CCDC148: variants seen among roughly 807,000 people sequenced by gnomAD.
The protein encoded by CCDC148 is coiled-coil domain containing 148.
A neutral mutation model predicts 85.7 loss-of-function variants in CCDC148; 89 were observed. The observed-to-expected ratio is 1.04, with a 90% confidence interval of 0.87 to 1.24. CCDC148 has a LOEUF of 1.24. Ranked by LOEUF, CCDC148 falls within the 50% of genes most tolerant of loss-of-function variation. The probability of loss-of-function intolerance (pLI) is 0.00; values close to 1 mark genes in which losing one functional copy is unlikely to be tolerated. For synonymous variants in CCDC148, 230 were observed against 213.9 expected, an observed-to-expected ratio of 1.08 and a Z score of -0.66; for missense variants, 692 against 671.7, an observed-to-expected ratio of 1.03 and a Z score of -0.33.
chr2:158,220,838 G>A (rs1010510199), intron 10 of CCDC148, 125 bp from the exon 11 acceptor site: 1 of 685,104 alleles, frequency 1.5e-6, no homozygotes, highest in Non-Finnish European at 2.4e-6. Flanking sequence ...CATCTTTTTT[G>A]TTTCATAGAT....
At chr2:158,382,472 T>C (rs1465238136) in intron 1 of CCDC148, among the ~76,000 whole-genome samples, 2 of 152,146 alleles carry the variant, frequency 1.3e-5, no homozygotes, top group African/African-American at 4.8e-5. Context: ...GCAAAGGGTG[T>C]GTAAACAGCT....
At chr2:158,189,114 GA>G (rs1685296983) in intron 11 of CCDC148, among the ~76,000 whole-genome samples, 1 of 151,880 alleles carries the variant, frequency 6.6e-6, no homozygotes, top group Non-Finnish European at 1.5e-5. Context: ...CAAGGTTGAA[GA>G]GAAAGGGAAC....
chr2:158,177,404 T>C (rs1558958607), intron 12 of CCDC148, among the ~76,000 whole-genome samples: 2 of 152,146 alleles, frequency 1.3e-5, no homozygotes, highest in Non-Finnish European at 2.9e-5. Context: ...TAATGCCATT[T>C]AAAGACTGTA....
At chr2:158,432,235 TA>T (rs11445715) in intron 1 of CCDC148, among the ~76,000 whole-genome samples, 9 of 145,398 alleles carry the variant, frequency 6.2e-5, no homozygotes, top group East Asian at 2.1e-4. Flanking sequence ...ATGATGAAAA[TA>T]AAAAAAAACA....
chr2:158,327,034 T>G (rs1408278995), intron 7 of CCDC148, among the ~76,000 whole-genome samples: 1 of 152,220 alleles, frequency 6.6e-6, no homozygotes, highest in Non-Finnish European at 1.5e-5. Flanking sequence ...ATTCTGTGTA[T>G]GTACAATAAT....
chr2:158,245,900 T>C (rs1485128628), intron 10 of CCDC148, among the ~76,000 whole-genome samples: 1 of 152,178 alleles, frequency 6.6e-6, no homozygotes, highest in Non-Finnish European at 1.5e-5. Context: ...AACTTAGGAA[T>C]CAAAACTTTC....
intron 9 of CCDC148, among the ~76,000 whole-genome samples, chr2:158,278,224 T>C (rs1198130074): frequency 6.6e-6 from 1 of 152,156 alleles, no homozygotes; most frequent in Non-Finnish European, 1.5e-5. Flanking sequence ...TTTCTGCATT[T>C]CCATCTGAGG....
At chr2:158,331,121 T>C (rs1214170625) in intron 7 of CCDC148, among the ~76,000 whole-genome samples, 1 of 152,234 alleles carries the variant, frequency 6.6e-6, no homozygotes. Context: ...TTTTAGATCT[T>C]TCCTGCTTTC....
intron 1 of CCDC148, among the ~76,000 whole-genome samples, chr2:158,419,508 T>G (rs916061928): frequency 6.6e-6 from 1 of 152,186 alleles, no homozygotes; most frequent in African/African-American, 2.4e-5. Context: ...TGCCACTTAC[T>G]AACTATGGCT....
At chr2:158,294,642 G>A (rs1691083664) in intron 9 of CCDC148, among the ~76,000 whole-genome samples, 1 of 152,028 alleles carries the variant, frequency 6.6e-6, no homozygotes, top group Non-Finnish European at 1.5e-5. Context: ...GGGGCAACAT[G>A]GTGAAACCCC....
chr2:158,456,720 A>T lies in CCDC148; in HGVS notation c.-281T>A. On this transcript the variant is annotated 5_prime_UTR_variant, in exon 1 of 14. Transcript: ENST00000283233. Reference sequence around the variant, plus strand: ...CTTCTCTCTCACACCCACCCTCTCCAGGCCCTCTCGCGCTGAACAGCATCG... The same window carrying T: ...CTTCTCTCTCACACCCACCCTCTCCTGGCCCTCTCGCGCTGAACAGCATCG... 1 of 494,642 alleles carries T rather than the reference A, an allele frequency of 2.0e-6. No homozygotes were observed. The highest frequency in any genetic ancestry group is 3.6e-6 in the Non-Finnish European group (1 of 275,788). The allele number at this position is 494,642 out of a possible 1,614,324, so 30.6% of individuals were successfully genotyped here. A position where few individuals can be genotyped will look rare whatever the true frequency, so the allele number is the denominator to read the frequency against.
At chr2:158,179,399 C>T (rs1195276886) in intron 11 of CCDC148, among the ~76,000 whole-genome samples, 13 of 151,838 alleles carry the variant, frequency 8.6e-5, no homozygotes, top group Admixed American at 2.0e-4. Context: ...CCTCGTGATC[C>T]GCCTGCCTTG....
At chr2:158,181,103 T>TA (rs1482511145) in intron 11 of CCDC148, among the ~76,000 whole-genome samples, 1 of 152,126 alleles carries the variant, frequency 6.6e-6, no homozygotes, top group Admixed American at 6.5e-5. Context: ...AAGGTTCAAT[T>TA]AAAAAATACC....
chr2:158,426,411 A>C (rs7579690), intron 1 of CCDC148, among the ~76,000 whole-genome samples: 25,343 of 152,152 alleles, frequency 0.17, 2,278 homozygotes, highest in Middle Eastern at 0.21. Context: ...TTAGTGAATA[A>C]ACTTGAGTAG....
chr2:158,230,212 A>G (rs1209432627), intron 10 of CCDC148, among the ~76,000 whole-genome samples: 2 of 152,192 alleles, frequency 1.3e-5, no homozygotes, highest in East Asian at 1.9e-4. Context: ...TGGAACTGAG[A>G]CTTTCTAGAA....
intron 1 of CCDC148, among the ~76,000 whole-genome samples, chr2:158,371,915 C>T (rs1311837937): frequency 6.6e-6 from 1 of 151,954 alleles, no homozygotes; most frequent in Non-Finnish European, 1.5e-5. Context: ...ATGATTTTCT[C>T]TATTTTTAAA....
intron 11 of CCDC148, among the ~76,000 whole-genome samples, chr2:158,207,817 A>C (rs968871217): frequency 6.6e-6 from 1 of 152,210 alleles, no homozygotes; most frequent in African/African-American, 2.4e-5. Context: ...AAAGAACTGC[A>C]GTCAGTCAAG....
At chr2:158,184,464 T>A (rs189714793) in intron 11 of CCDC148, among the ~76,000 whole-genome samples, 97 of 152,264 alleles carry the variant, frequency 6.4e-4, no homozygotes, top group African/African-American at 2.3e-3. Context: ...CCTACTCTGT[T>A]GAGTTTACAT....
At chr2:158,263,937 T>C (rs1460877306) in intron 9 of CCDC148, among the ~76,000 whole-genome samples, 1 of 151,766 alleles carries the variant, frequency 6.6e-6, no homozygotes, top group Non-Finnish European at 1.5e-5. Flanking sequence ...AAAGCATTGG[T>C]AAACTATTCT....
Sources: allele counts gnomAD v4.1 joint callset (sites outside exome capture counted in the v4.1 genomes callset), GRCh38; gene constraint gnomAD v4.1.1; transcripts MANE v1.5; gene names NCBI Gene and HGNC (gene_info 2026-07-23, HGNC 2026-07-21).